The following SCARA5 variants were observed in gnomAD, a reference collection of about 807,000 sequenced individuals.
The protein encoded by SCARA5 is scavenger receptor class A, member 5 (putative).
A neutral mutation model predicts 46.3 loss-of-function variants in SCARA5; 45 were observed. That is an observed-to-expected ratio of 0.97 (90% CI 0.76 to 1.24). The LOEUF (loss-of-function observed/expected upper bound fraction) is 1.24, where lower values mean the gene tolerates loss of function less well. Among genes scored for constraint, SCARA5 ranks in the 50% most tolerant of loss-of-function variants. SCARA5 has a pLI of 0.00. For synonymous variants in SCARA5, 333 were observed against 306.5 expected (o/e 1.09, Z -0.90); for missense variants, 680 against 689.0 (o/e 0.99, Z 0.15).
chr8:27,876,160 C>A (rs1806720531), intron 8 of SCARA5, among the ~76,000 whole-genome samples: 1 of 152,186 alleles, frequency 6.6e-6, no homozygotes, highest in Non-Finnish European at 1.5e-5. Context: ...ACAACAGAGC[C>A]TGTGCATGCT....
intron 5 of SCARA5, among the ~76,000 whole-genome samples, chr8:27,908,578 A>G (rs1300726246): frequency 6.6e-6 from 1 of 152,176 alleles, no homozygotes; most frequent in African/African-American, 2.4e-5. Context: ...CGAAGGTCCA[A>G]TGGCTGGAAG....
intron 7 of SCARA5, among the ~76,000 whole-genome samples, chr8:27,897,506 G>T (rs577515303): frequency 1.3e-5 from 2 of 152,208 alleles, no homozygotes; most frequent in Non-Finnish European, 2.9e-5. Flanking sequence ...AGATGATTCC[G>T]TGTTCACCTT....
At chr8:27,914,750 C>G (rs1807434065) in intron 4 of SCARA5, among the ~76,000 whole-genome samples, 1 of 152,186 alleles carries the variant, frequency 6.6e-6, no homozygotes, top group South Asian at 2.1e-4. Flanking sequence ...TCCTGGGGTC[C>G]CTGCTCAGGC....
chr8:27,894,648 TGTGA>T (rs1052443992), intron 7 of SCARA5, among the ~76,000 whole-genome samples: 2 of 152,290 alleles, frequency 1.3e-5, no homozygotes, highest in East Asian at 1.9e-4. Flanking sequence ...TGTGGGGCCT[TGTGA>T]GTAAGGCAGA....
In SCARA5 at chr8:27,989,129, C is replaced by CTTTTTTT. The variant is rs34929623; in HGVS notation, c.-15-1506_-15-1500dup. 4.0e-3 allele frequency among the ~76,000 whole-genome samples: 272 copies of CTTTTTTT among 68,268 alleles called. 2 individuals carry two copies. The highest frequency in any genetic ancestry group is 4.7e-3 in the African/African-American group (76 of 16,216). The allele number at this position is 68,268 out of a possible 152,430, so 44.8% of individuals were successfully genotyped here. A position where few individuals can be genotyped will look rare whatever the true frequency, so the allele number is the denominator to read the frequency against. On this transcript the variant is annotated intron_variant, in intron 1 of 8. Transcript: ENST00000354914. ...TTTTTTTTTTTCTGTTTCTTTCTTTCTTTTTTTTTTTTTTTTTTTTTTTTG... is the reference window on the plus strand; with the variant it reads ...TTTTTTTTTTTCTGTTTCTTTCTTTCTTTTTTTTTTTTTTTTTTTTTTTTTTTTTTTG...
chr8:27,936,065 G>C (rs1297466138), intron 3 of SCARA5, among the ~76,000 whole-genome samples: 1 of 152,160 alleles, frequency 6.6e-6, no homozygotes, highest in East Asian at 1.9e-4. Flanking sequence ...CCCCTGCCCA[G>C]AATTAGGAGG....
At chr8:27,939,857 T>C (rs2726955) in intron 3 of SCARA5, among the ~76,000 whole-genome samples, 54,721 of 151,984 alleles carry the variant, frequency 0.36, 10,078 homozygotes, top group African/African-American at 0.41. Context: ...TAGTGAATGT[T>C]AAATCCAGAA....
At chr8:27,981,526 G>A (rs758962962) in intron 2 of SCARA5, among the ~76,000 whole-genome samples, 13 of 152,324 alleles carry the variant, frequency 8.5e-5, no homozygotes, top group African/African-American at 1.2e-4. Context: ...ACCTCCTGCC[G>A]GGGCTCCCCC....
intron 3 of SCARA5, among the ~76,000 whole-genome samples, chr8:27,932,412 G>A (rs1807790016): frequency 6.6e-6 from 1 of 152,208 alleles, no homozygotes; most frequent in Non-Finnish European, 1.5e-5. Context: ...ATTCCAGGGG[G>A]ACCCTGTATT....
intron 7 of SCARA5, among the ~76,000 whole-genome samples, chr8:27,900,433 G>A (rs912006243): frequency 1.3e-5 from 2 of 152,184 alleles, no homozygotes; most frequent in Non-Finnish European, 2.9e-5. Context: ...ATGCTGGGGT[G>A]CCCACAGCTC....
intron 3 of SCARA5, among the ~76,000 whole-genome samples, chr8:27,926,960 C>T (rs536432464): frequency 3.3e-5 from 5 of 152,182 alleles, no homozygotes; most frequent in Non-Finnish European, 7.3e-5. Flanking sequence ...GAGAACAGTT[C>T]CAGTTTTGGT....
chr8:27,901,310 G>A (rs1201877150), intron 7 of SCARA5, among the ~76,000 whole-genome samples: 1 of 152,138 alleles, frequency 6.6e-6, no homozygotes, highest in Non-Finnish European at 1.5e-5. Context: ...AGAGGTGTTT[G>A]GGAAGGTTGA....
chr8:27,966,394 CA>C lies in SCARA5; in HGVS notation c.241+19del. ...CCTTCCTCATCCCAAAAGACCAGGACAAAAATGGCCTGCTCTTACCTGCTAA... is the reference window on the plus strand; with the variant it reads ...CCTTCCTCATCCCAAAAGACCAGGACAAAATGGCCTGCTCTTACCTGCTAA... On this transcript the variant is annotated intron_variant, in intron 3 of 8. Transcript: ENST00000354914. The C allele has an allele frequency of 6.3e-7, 1 of 1,583,632 alleles. No individual in the cohort carries two copies. Among genetic ancestry groups the C allele is most frequent in the Non-Finnish European group, 8.6e-7 (1 of 1,169,098 alleles).
intron 4 of SCARA5, among the ~76,000 whole-genome samples, chr8:27,912,883 A>G (rs1807400685): frequency 6.6e-6 from 1 of 152,174 alleles, no homozygotes; most frequent in South Asian, 2.1e-4. Context: ...TTGAGTATGG[A>G]TATTGAGTCT....
chr8:27,938,052 G>A (rs1449148858), intron 3 of SCARA5, among the ~76,000 whole-genome samples: 1 of 152,180 alleles, frequency 6.6e-6, no homozygotes, highest in Admixed American at 6.5e-5. Context: ...CTGGAAAGAA[G>A]TTGGGGTGGG....
chr8:27,962,151 T>C (rs986698982), intron 3 of SCARA5, among the ~76,000 whole-genome samples: 1 of 152,238 alleles, frequency 6.6e-6, no homozygotes, highest in Non-Finnish European at 1.5e-5. Context: ...AATGCTTTCC[T>C]GAAGTCTCTA....
rs543170166 is a variant in SCARA5 at position 27,870,846 on chromosome 8, C to A, written c.*1088G>T. The A allele has an allele frequency of 2.6e-5, 4 of 152,318 alleles. No individual in the cohort carries two copies. The highest frequency in any genetic ancestry group is 9.6e-5 in the African/African-American group (4 of 41,540). The allele number at this position is 152,318 out of a possible 1,614,324, so 9.4% of individuals were successfully genotyped here. On this transcript the variant is annotated 3_prime_UTR_variant, in exon 9 of 9. Transcript: ENST00000354914. ...GACCACAGATTCACACCTGAAGAGG[C>A]TTGGAAGATGCAAAATCATCACCTC... is the stretch of plus-strand genomic sequence containing the variant.
Position 27,871,674 on chromosome 8 carries a change from T to A in SCARA5, c.*260A>T, listed in dbSNP as rs1806640128. Reference sequence around the variant, plus strand: ...GTTCAGAGGCTGGGCAAAGTGGTGATCCAGTTGATCAGGGCTCCTCATGCA... The same window carrying A: ...GTTCAGAGGCTGGGCAAAGTGGTGAACCAGTTGATCAGGGCTCCTCATGCA... On this transcript the variant is annotated 3_prime_UTR_variant, in exon 9 of 9. Transcript: ENST00000354914. 6.6e-6 allele frequency: 9 copies of A among 1,358,472 alleles called. No individual in the cohort carries two copies. The highest frequency in any genetic ancestry group is 8.5e-6 in the Non-Finnish European group (9 of 1,053,118). 84.2% of individuals were successfully genotyped at this position (1,358,472 alleles called of 1,614,324 possible).
At chr8:27,954,494 C>T (rs1808177688) in intron 3 of SCARA5, among the ~76,000 whole-genome samples, 1 of 152,038 alleles carries the variant, frequency 6.6e-6, no homozygotes, top group Non-Finnish European at 1.5e-5. Context: ...TCTTTTTTTC[C>T]CTTAACGCAA....
Sources: allele counts gnomAD v4.1 joint callset (sites outside exome capture counted in the v4.1 genomes callset), GRCh38; gene constraint gnomAD v4.1.1; transcripts MANE v1.5; gene names NCBI Gene and HGNC (gene_info 2026-07-23, HGNC 2026-07-21).